LRIG1: variants seen among roughly 807,000 people sequenced by gnomAD.
LRIG1 encodes the protein leucine rich repeats and immunoglobulin like domains 1.
LRIG1 carries 48 observed loss-of-function variants against 99.2 expected under a neutral mutation model. The ratio of observed to expected loss-of-function variants is 0.48; its 90% CI spans 0.38 to 0.62. LRIG1 has a LOEUF of 0.62. Among genes scored for constraint, LRIG1 ranks in the 20% least tolerant of loss-of-function variants. LRIG1 has a pLI of 0.00. For synonymous variants in LRIG1, 772 were observed against 596.1 expected (o/e 1.29, Z -4.30); for missense variants, 1,646 against 1,434.4 (o/e 1.15, Z -2.38).
chr3:66,423,368 T>G (rs748186480), intron 3 of LRIG1, among the ~76,000 whole-genome samples: 1 of 152,170 alleles, frequency 6.6e-6, no homozygotes, highest in Non-Finnish European at 1.5e-5. Context: ...GTCAGGAGTT[T>G]TGAGACCAGC....
chr3:66,431,299 G>A (rs78101419), intron 3 of LRIG1, among the ~76,000 whole-genome samples: 1 of 152,362 alleles, frequency 6.6e-6, no homozygotes, highest in Non-Finnish European at 1.5e-5. Flanking sequence ...CCAGACTCCA[G>A]GGGCTGAGCA....
chr3:66,442,966 GAAAGGAGAAA>G (rs1266257846), intron 3 of LRIG1, among the ~76,000 whole-genome samples: 1 of 151,848 alleles, frequency 6.6e-6, no homozygotes, highest in Non-Finnish European at 1.5e-5. Flanking sequence ...CACTCTCAAA[GAAAGGAGAAA>G]AAAGGAAAGA....
At chr3:66,440,252 G>C (rs1415544592) in intron 3 of LRIG1, among the ~76,000 whole-genome samples, 1 of 152,104 alleles carries the variant, frequency 6.6e-6, no homozygotes, top group Non-Finnish European at 1.5e-5. Context: ...CTAACTCGAG[G>C]TTTTGATTTA....
At chr3:66,407,532 T>G (rs757990830) in intron 7 of LRIG1, 41 bp from the exon 8 acceptor site, 1 of 1,605,830 alleles carries the variant, frequency 6.2e-7, no homozygotes, top group Non-Finnish European at 8.5e-7. Context: ...TCTAGTGTGG[T>G]TGCCCCCCAA....
chr3:66,471,334 G>C (rs1700590557), intron 1 of LRIG1, among the ~76,000 whole-genome samples: 1 of 151,674 alleles, frequency 6.6e-6, no homozygotes. Context: ...TAGTCCTTAA[G>C]CTCTACAGGA....
intron 2 of LRIG1, among the ~76,000 whole-genome samples, chr3:66,454,971 T>A (rs994754423): frequency 6.6e-5 from 10 of 152,226 alleles, no homozygotes; most frequent in Non-Finnish European, 1.5e-4. Flanking sequence ...AGACGGAGTC[T>A]CGCTCTGTGG....
At chr3:66,403,522 G>T (rs1702141367) in intron 9 of LRIG1, among the ~76,000 whole-genome samples, 1 of 152,158 alleles carries the variant, frequency 6.6e-6, no homozygotes, top group Admixed American at 6.5e-5. Context: ...CATTATGTGA[G>T]TGAGGAAAGC....
Position 66,407,384 on chromosome 3 carries a change from T to G in LRIG1, c.1043A>C (p.Glu348Ala). The G allele has an allele frequency of 6.2e-7, 1 of 1,614,092 alleles. No homozygotes were observed. The highest frequency in any genetic ancestry group is 8.5e-7 in the Non-Finnish European group (1 of 1,180,030). ...LSHNSISHIA[E>A]GAFKGLRSLR... is the part of the protein sequence containing the mutation. ...GCTCCTGAGTCCCTTGAAGGCACCC[T>G]CCGCAATGTGGCTGATGGAATTGTG... is the stretch of plus-strand genomic sequence containing the variant. The change falls in exon 8 of 19, where the codon GAG (glutamate) becomes GCG (alanine). Residue 348 changes from glutamate to alanine, a missense_variant. Coordinates refer to ENST00000273261, the MANE Select transcript of LRIG1 (RefSeq NM_015541.3).
intron 3 of LRIG1, among the ~76,000 whole-genome samples, chr3:66,429,924 A>AAAACC (rs2106739489): frequency 6.6e-6 from 1 of 152,262 alleles, no homozygotes; most frequent in African/African-American, 2.4e-5. Flanking sequence ...AAAACAAAAC[A>AAAACC]AAACCTCCTA....
Position 66,386,281 on chromosome 3 carries a change from T to C in LRIG1, c.1489A>G (p.Ile497Val). The change falls in exon 13 of 19, where the codon ATC becomes GTC. Residue 497 changes from isoleucine to valine, a missense_variant. Physicochemically the swap from Ile to Val is conservative, Grantham distance 29. Coordinates refer to ENST00000273261, the MANE Select transcript of LRIG1 (RefSeq NM_015541.3). ...ATGGTGGTTTCTGGCTGGGTGATGA[T>C]CTGTGGCTTCAGGAAGTCATCTGGG... ...FVCDDFLKPQIITQPETTMAM... is the reference protein window; with the variant it reads ...FVCDDFLKPQVITQPETTMAM... 1 of 1,613,916 alleles carries C rather than the reference T, an allele frequency of 6.2e-7. No homozygotes were observed. The highest frequency in any genetic ancestry group is 8.5e-7 in the Non-Finnish European group (1 of 1,179,910).
In LRIG1 at chr3:66,398,968, A is replaced by G; in HGVS notation, c.1232+2T>C. 1 of 1,613,968 alleles carries G rather than the reference A, an allele frequency of 6.2e-7. No homozygotes were observed. Among genetic ancestry groups the G allele is most frequent in the Non-Finnish European group, 8.5e-7 (1 of 1,179,826 alleles). On this transcript the variant is annotated splice_donor_variant, in intron 10 of 18. Coordinates refer to ENST00000273261, the MANE Select transcript of LRIG1 (RefSeq NM_015541.3). LOFTEE classifies it high-confidence loss of function. ...TCAGGGCAGGGCTGGTGAGATACTCACAGGTGCTCCAGGCCTTCCAGCCCC... is the reference window on the plus strand; with the variant it reads ...TCAGGGCAGGGCTGGTGAGATACTCGCAGGTGCTCCAGGCCTTCCAGCCCC...
chr3:66,500,014 C>G (rs898534597), intron 1 of LRIG1, among the ~76,000 whole-genome samples, 176 bp downstream of exon 1: 1 of 152,086 alleles, frequency 6.6e-6, no homozygotes, highest in South Asian at 2.1e-4. Context: ...CCCGGACCTC[C>G]ACGCAGAATC....
At chr3:66,463,861 A>G (rs1283837748) in intron 1 of LRIG1, among the ~76,000 whole-genome samples, 3 of 152,242 alleles carry the variant, frequency 2.0e-5, no homozygotes, top group Admixed American at 1.3e-4. Flanking sequence ...AGAGACGTTC[A>G]TCTAAATAAA....
chr3:66,445,681 C>A (rs1307699570), intron 3 of LRIG1, among the ~76,000 whole-genome samples: 2 of 152,162 alleles, frequency 1.3e-5, no homozygotes, highest in Non-Finnish European at 2.9e-5. Context: ...TGTTTCACAT[C>A]AATTCTTTAT....
intron 12 of LRIG1, 104 bp from the exon 13 acceptor site, chr3:66,386,405 C>A (rs1310363532): frequency 9.0e-6 from 9 of 1,000,490 alleles, no homozygotes; most frequent in Non-Finnish European, 1.4e-5. Flanking sequence ...AAGCAGGAAC[C>A]AGAGCTTGAG....
intron 11 of LRIG1, among the ~76,000 whole-genome samples, chr3:66,395,738 T>A (rs6768200): frequency 3.9e-5 from 6 of 152,146 alleles, no homozygotes; most frequent in African/African-American, 1.4e-4. Context: ...TCAATTCCCA[T>A]GCAGTGTTTG....
rs1008848953 is a variant in LRIG1 at position 66,500,658 on chromosome 3, G to A, written c.-251C>T. 3.8e-5 allele frequency: 11 copies of A among 288,506 alleles called. No individual in the cohort carries two copies. Among genetic ancestry groups the A allele is most frequent in the Admixed American group, 2.1e-4 (4 of 18,928 alleles). The allele number at this position is 288,506 out of a possible 1,614,324, so 17.9% of individuals were successfully genotyped here. A position where few individuals can be genotyped will look rare whatever the true frequency, so the allele number is the denominator to read the frequency against. On this transcript the variant is annotated 5_prime_UTR_variant, in exon 1 of 19. Coordinates refer to ENST00000273261, the MANE Select transcript of LRIG1 (RefSeq NM_015541.3). The stretch of plus-strand genomic sequence containing the variant: ...CGGGCCGGCCGGCCCGCCCGCGCTA[G>A]CTGCGAACTCCGCCGATTCGGGCAA...
At chr3:66,437,840 C>T (rs1703410253) in intron 3 of LRIG1, among the ~76,000 whole-genome samples, 3 of 152,000 alleles carry the variant, frequency 2.0e-5, no homozygotes, top group African/African-American at 2.4e-5. Flanking sequence ...AGAAGAGGGG[C>T]GGCTATTCCA....
At chr3:66,405,799 C>T (rs1702248979) in intron 8 of LRIG1, 1 of 1,184,016 alleles carries the variant, frequency 8.4e-7, no homozygotes, top group South Asian at 1.6e-5. Flanking sequence ...CCAAGGCCTG[C>T]AGGGCGCTGA....
Sources: gnomAD v4.1 joint callset for allele counts (sites outside exome capture counted in the v4.1 genomes callset) on GRCh38, gnomAD v4.1.1 for gene constraint, MANE v1.5 for transcripts, NCBI Gene and HGNC (gene_info 2026-07-23, HGNC 2026-07-21) for gene names.